SH3YL1: variants seen among roughly 807,000 people sequenced by gnomAD.
The protein encoded by SH3YL1 is SH3 and SYLF domain containing 1.
SH3YL1 carries 41 observed loss-of-function variants against 45.8 expected under a neutral mutation model. That is an observed-to-expected ratio of 0.89 (90% confidence interval 0.70 to 1.16). SH3YL1 has a LOEUF of 1.16. Among genes scored for constraint, SH3YL1 ranks in the 50% most tolerant of loss-of-function variants. SH3YL1 has a pLI of 0.00. For missense variants in SH3YL1, 389 were observed against 409.6 expected, an observed-to-expected ratio of 0.95 and a Z score of 0.43; for synonymous variants, 152 against 151.4, an observed-to-expected ratio of 1.00 and a Z score of -0.03.
At chr2:239,520 C>G (rs1275258180) in intron 4 of SH3YL1, 1 of 152,120 alleles carries the variant, frequency 6.6e-6, no homozygotes, top group Admixed American at 6.5e-5. Context: ...TTGCCAGTCA[C>G]AAATATCAGA....
chr2:237,768 T>A (rs1408108587), intron 4 of SH3YL1, among the ~76,000 whole-genome samples: 1 of 152,120 alleles, frequency 6.6e-6, no homozygotes, highest in Non-Finnish European at 1.5e-5. Flanking sequence ...ACAAATTGTA[T>A]GCATGTATTA....
intron 1 of SH3YL1, 42 bp from the exon 2 acceptor site, chr2:253,157 A>C: frequency 9.0e-7 from 1 of 1,113,912 alleles, no homozygotes; most frequent in Non-Finnish European, 1.3e-6. Flanking sequence ...AATTCTGCTA[A>C]ATAGAAGTGA....
intron 5 of SH3YL1, among the ~76,000 whole-genome samples, chr2:233,928 A>G (rs1668169450): frequency 6.6e-6 from 1 of 152,180 alleles, no homozygotes; most frequent in Admixed American, 6.5e-5. Flanking sequence ...ACAATGGCCT[A>G]TGCTTCCAAA....
At chr2:240,530 A>T (rs1398151395) in intron 4 of SH3YL1, 1 of 152,218 alleles carries the variant, frequency 6.6e-6, no homozygotes, top group Non-Finnish European at 1.5e-5. Context: ...TGGTCTAGAA[A>T]ATTATCAGGG....
intron 4 of SH3YL1, among the ~76,000 whole-genome samples, chr2:239,351 G>C (rs1013929093): frequency 6.6e-6 from 1 of 152,194 alleles, no homozygotes; most frequent in Non-Finnish European, 1.5e-5. Context: ...ATCCCTTTCT[G>C]TGTTTGGAAG....
chr2:229,725 T>A (rs1418526413), intron 8 of SH3YL1, among the ~76,000 whole-genome samples: 6 of 81,014 alleles, frequency 7.4e-5, no homozygotes, highest in African/African-American at 2.8e-4. Context: ...CGAGACTCCG[T>A]CTCAAAAAAA....
upstream of SH3YL1, chr2:264,771 C>A: frequency 1.7e-6 from 1 of 579,854 alleles, no homozygotes; most frequent in South Asian, 2.2e-5. Context: ...CCTCCCCGCC[C>A]GTCCTACTAC....
At chr2:223,284 AG>A (rs1292747725) in intron 9 of SH3YL1, among the ~76,000 whole-genome samples, 2 of 152,160 alleles carry the variant, frequency 1.3e-5, no homozygotes, top group Non-Finnish European at 2.9e-5. Context: ...TGCTGTTTAT[AG>A]GAAGTTTCTA....
intron 1 of SH3YL1, among the ~76,000 whole-genome samples, chr2:257,992 G>A (rs72772899): frequency 0.067 from 10,148 of 151,922 alleles, 399 homozygotes; most frequent in African/African-American, 0.099. Context: ...CTGGGCTCTC[G>A]ATTCTGTTCA....
At chr2:228,367 T>C (rs749021901) in intron 8 of SH3YL1, among the ~76,000 whole-genome samples, 4 of 152,216 alleles carry the variant, frequency 2.6e-5, no homozygotes, top group African/African-American at 4.8e-5. Context: ...GGGGGTTATA[T>C]GGCAGAAACA....
intron 8 of SH3YL1, among the ~76,000 whole-genome samples, chr2:226,437 G>T (rs183725989): frequency 6.6e-6 from 1 of 152,176 alleles, no homozygotes; most frequent in Non-Finnish European, 1.5e-5. Context: ...TTTATATGAA[G>T]AGATGTTTAC....
At chr2:243,539 G>A (rs1386772925) in intron 4 of SH3YL1, 2 of 1,541,508 alleles carry the variant, frequency 1.3e-6, no homozygotes, top group East Asian at 2.5e-5. Flanking sequence ...AATGCTCAGA[G>A]GGAATATGTA....
intron 9 of SH3YL1, among the ~76,000 whole-genome samples, chr2:221,715 A>C (rs376258374): frequency 6.6e-6 from 1 of 152,160 alleles, no homozygotes; most frequent in African/African-American, 2.4e-5. Flanking sequence ...ATTGACCACA[A>C]ATGCCTCTGC....
chr2:259,085 G>A (rs760350245), intron 1 of SH3YL1, among the ~76,000 whole-genome samples: 9 of 152,102 alleles, frequency 5.9e-5, no homozygotes, highest in Non-Finnish European at 1.0e-4. Context: ...GGCAGAAAAC[G>A]GTCACTAATG....
At chr2:242,732 TAACAAC>T (rs35468551) in intron 4 of SH3YL1, 4 of 1,403,640 alleles carry the variant, frequency 2.8e-6, no homozygotes, top group Middle Eastern at 1.8e-4. Flanking sequence ...AAAACAACAA[TAACAAC>T]AACAACAACA....
At chr2:225,163 T>C (rs1380037411) in intron 8 of SH3YL1, among the ~76,000 whole-genome samples, 1 of 152,206 alleles carries the variant, frequency 6.6e-6, no homozygotes, top group African/African-American at 2.4e-5. Flanking sequence ...ACACACACTA[T>C]TCTCATTATA....
rs1295440690 is a variant in SH3YL1 at position 253,261 on chromosome 2, G to A, written c.2-146C>T. 3.1e-5 allele frequency: 18 copies of A among 583,114 alleles called. 1 individual carries two copies. The highest frequency in any genetic ancestry group is 2.7e-5 in the Non-Finnish European group (9 of 336,246). 36.1% of individuals were successfully genotyped at this position (583,114 alleles called of 1,614,324 possible). Reference sequence around the variant, plus strand: ...TTTGAATAGGAGCTGGGTGAAATAAGGCTGAGACCTACTGGGCTGCATTCC... The same window carrying A: ...TTTGAATAGGAGCTGGGTGAAATAAAGCTGAGACCTACTGGGCTGCATTCC... On this transcript the variant is annotated intron_variant, in intron 1 of 9. Coordinates refer to ENST00000356150, the MANE Select transcript of SH3YL1 (RefSeq NM_015677.4).
At chr2:260,295 G>A (rs944643867) in intron 1 of SH3YL1, 1 of 152,178 alleles carries the variant, frequency 6.6e-6, no homozygotes, top group African/African-American at 2.4e-5. Context: ...GTGGAAACTT[G>A]TTCTTTCTGC....
In SH3YL1 at chr2:231,099, G is replaced by A; in HGVS notation, c.626C>T (p.Ser209Phe). 1.2e-6 allele frequency: 2 copies of A among 1,614,012 alleles called. No homozygotes were observed. The highest frequency in any genetic ancestry group is 1.7e-6 in the Non-Finnish European group (2 of 1,179,960). Residue 209 changes from serine to phenylalanine, a missense_variant, in exon 7 of 10, where the codon TCC becomes TTC. Ser to Phe is a radical substitution (Grantham distance 155). Coordinates refer to ENST00000356150, the MANE Select transcript of SH3YL1 (RefSeq NM_015677.4). ...TTCATTTTCATACTTTTCAGTAAAG[G>A]AATCAAGAATTTCATAAAGATCTTC... ...QAEDLYEILDSFTEKYENEGQ... is the reference protein window; with the variant it reads ...QAEDLYEILDFFTEKYENEGQ...
Sources: allele counts gnomAD v4.1 joint callset (sites outside exome capture counted in the v4.1 genomes callset), GRCh38; gene constraint gnomAD v4.1.1; transcripts MANE v1.5; gene names NCBI Gene and HGNC (gene_info 2026-07-23, HGNC 2026-07-21).